CORO2B: variants seen among roughly 807,000 people sequenced by gnomAD.
CORO2B encodes coronin 2B, also known as coronin-2B.
In CORO2B, 26 loss-of-function variants were observed where a neutral mutation model predicts 58.8. The observed-to-expected ratio is 0.44, with a 90% CI of 0.32 to 0.61. CORO2B has a LOEUF of 0.61. CORO2B is among the 20% of genes least tolerant of loss of function. CORO2B has a pLI of 0.04. For missense variants in CORO2B, 460 were observed against 645.1 expected (o/e 0.71, Z 3.11); for synonymous variants, 242 against 253.8 (o/e 0.95, Z 0.44).
chr15:68,660,436 T>C (rs968754440), intron 2 of CORO2B, among the ~76,000 whole-genome samples: 1 of 152,124 alleles, frequency 6.6e-6, no homozygotes, highest in African/African-American at 2.4e-5. Flanking sequence ...AGTGGCATGA[T>C]CATGGCTCAC....
intron 1 of CORO2B, among the ~76,000 whole-genome samples, chr15:68,626,091 TA>T (rs984631363): frequency 6.6e-6 from 1 of 152,210 alleles, no homozygotes; most frequent in Non-Finnish European, 1.5e-5. Flanking sequence ...GATTCATATG[TA>T]AATCTTTCTG....
At chr15:68,711,004 TATTCATTC>T (rs145747154) in intron 4 of CORO2B, 123 bp downstream of exon 4, 3 of 1,085,372 alleles carry the variant, frequency 2.8e-6, no homozygotes, top group Middle Eastern at 2.4e-4. Context: ...TTCATTTGCT[TATTCATTC>T]ATTCATTCAT....
At chr15:68,619,938 G>A (rs1296251919) in intron 1 of CORO2B, among the ~76,000 whole-genome samples, 2 of 151,964 alleles carry the variant, frequency 1.3e-5, no homozygotes, top group Non-Finnish European at 2.9e-5. Context: ...TTGAGACAGA[G>A]TCTCACTCTG....
At chr15:68,678,771 T>C (rs1006344865) in intron 2 of CORO2B, among the ~76,000 whole-genome samples, 14 of 152,196 alleles carry the variant, frequency 9.2e-5, no homozygotes, top group African/African-American at 3.1e-4. Context: ...GCCCACACCA[T>C]GTCCCCTGGG....
chr15:68,713,114 G>A (rs1892958101), intron 5 of CORO2B, among the ~76,000 whole-genome samples: 1 of 152,198 alleles, frequency 6.6e-6, no homozygotes. Context: ...GAGCCAGTGG[G>A]CAGGAAAGGA....
chr15:68,616,333 T>G (rs1900357504), intron 1 of CORO2B, among the ~76,000 whole-genome samples: 2 of 152,230 alleles, frequency 1.3e-5, no homozygotes. Context: ...TAAAAAGCTC[T>G]CTGGTCATCC....
rs768164995 is a variant in CORO2B at position 68,710,892 on chromosome 15, G to A, written c.483+11G>A. The A allele has an allele frequency of 3.0e-5, 48 of 1,587,170 alleles. No individual in the cohort carries two copies. Among genetic ancestry groups the A allele is most frequent in the Non-Finnish European group, 4.0e-5 (47 of 1,163,826 alleles). On this transcript the variant is annotated intron_variant, in intron 4 of 11. Coordinates refer to ENST00000261861, the MANE Select transcript of CORO2B (RefSeq NM_006091.5). The surrounding 1 kb of genome is among the most constrained non-coding windows in gnomAD (Gnocchi z 4.1). ...GGCTACGACTACAAGGTATGCAGTGGGCAGGCAGCTGGGTGGAGAGGGATT... is the reference window on the plus strand; with the variant it reads ...GGCTACGACTACAAGGTATGCAGTGAGCAGGCAGCTGGGTGGAGAGGGATT...
intron 11 of CORO2B, 66 bp from the exon 12 acceptor site, chr15:68,725,777 G>A: frequency 6.3e-7 from 1 of 1,593,678 alleles, no homozygotes; most frequent in Non-Finnish European, 8.5e-7. Context: ...AGACTCACCT[G>A]GGAAATCCTT....
intron 8 of CORO2B, among the ~76,000 whole-genome samples, chr15:68,716,093 C>T (rs1299720564): frequency 6.6e-6 from 1 of 152,136 alleles, no homozygotes; most frequent in African/African-American, 2.4e-5. Flanking sequence ...GGCCTGAGAG[C>T]CCACTCCAGT....
chr15:68,525,264 G>A, the CORO2B span, among the ~76,000 whole-genome samples: 1 of 152,146 alleles, frequency 6.6e-6, no homozygotes, highest in Admixed American at 6.5e-5. Flanking sequence ...AAATTCAGGG[G>A]GGACGGGGGA....
intron 1 of CORO2B, among the ~76,000 whole-genome samples, chr15:68,608,816 G>A (rs901489577): frequency 1.3e-5 from 2 of 152,154 alleles, no homozygotes; most frequent in Non-Finnish European, 2.9e-5. Context: ...GCTCCAGGAG[G>A]GGAGTTGAAA....
At position 68,702,985 on chromosome 15, in the gene CORO2B, C is replaced by A. The variant is rs527886098; in HGVS notation, c.333+7729C>A. ...GGGACTACAGGCCCATGCCACCACT[C>A]CCAGCTAATTTTTGTATTTTTAGTA... On this transcript the variant is annotated intron_variant, in intron 3 of 11. Coordinates refer to ENST00000261861, the MANE Select transcript of CORO2B (RefSeq NM_006091.5). Among the ~76,000 whole-genome samples, 456 of 151,528 alleles carry A rather than the reference C, an allele frequency of 3.0e-3. 7 individuals are homozygous for A. Among genetic ancestry groups the A allele is most frequent in the African/African-American group, 0.011 (443 of 41,338 alleles).
chr15:68,532,542 G>A, the CORO2B span, among the ~76,000 whole-genome samples: 1 of 151,894 alleles, frequency 6.6e-6, no homozygotes, highest in African/African-American at 2.4e-5. Flanking sequence ...TTAAGTCCTT[G>A]AACATATTGA....
At chr15:68,699,258 C>A (rs1892585304) in intron 3 of CORO2B, among the ~76,000 whole-genome samples, 1 of 152,104 alleles carries the variant, frequency 6.6e-6, no homozygotes, top group African/African-American at 2.4e-5. Context: ...AGCAGCCCAA[C>A]TTTGCAGCGA....
chr15:68,600,149 C>CAACAACAAACAAACA (rs1899944631), intron 1 of CORO2B, among the ~76,000 whole-genome samples: 8 of 152,218 alleles, frequency 5.3e-5, no homozygotes, highest in Admixed American at 2.0e-4. Flanking sequence ...AAGATTTCTT[C>CAACAACAAACAAACA]AACAAACAAA....
chr15:68,664,505 G>T (rs1411019156), intron 2 of CORO2B, among the ~76,000 whole-genome samples: 1 of 152,058 alleles, frequency 6.6e-6, no homozygotes, highest in African/African-American at 2.4e-5. Flanking sequence ...AAATTAGCCG[G>T]CCATGGTGGC....
At chr15:68,670,650 A>G (rs1288410575) in intron 2 of CORO2B, among the ~76,000 whole-genome samples, 2 of 152,236 alleles carry the variant, frequency 1.3e-5, no homozygotes, top group Non-Finnish European at 2.9e-5. Context: ...ATAATTGAGG[A>G]CCTCATAGAA....
intron 1 of CORO2B, among the ~76,000 whole-genome samples, chr15:68,581,177 T>C (rs1359322816): frequency 6.6e-6 from 1 of 152,130 alleles, no homozygotes; most frequent in Non-Finnish European, 1.5e-5. Context: ...AGGCCTAGCT[T>C]CTTGGTATCC....
chr15:68,701,339 G>C lies in CORO2B; in HGVS notation c.333+6083G>C, dbSNP rs558803551. Among the ~76,000 whole-genome samples, 3 of 150,302 alleles carry C rather than the reference G, an allele frequency of 2.0e-5. No individual in the cohort carries two copies. The East Asian group carries it at 5.8e-4, about 29-fold the overall frequency. On this transcript the variant is annotated intron_variant, in intron 3 of 11. Coordinates refer to ENST00000261861, the MANE Select transcript of CORO2B (RefSeq NM_006091.5). ...TTTTTCTTTTTTTTGAGAGACGGAG[G>C]CTCGCTCTGTCGCCCAGTCTGGAGT...
Sources: allele counts gnomAD v4.1 joint callset (sites outside exome capture counted in the v4.1 genomes callset), GRCh38; gene constraint gnomAD v4.1.1; non-coding constraint Gnocchi (gnomAD v3.1); transcripts MANE v1.5; gene names NCBI Gene and HGNC (gene_info 2026-07-23, HGNC 2026-07-21).